F8: variants seen among roughly 807,000 people sequenced by gnomAD.
The protein encoded by F8 is coagulation factor VIII.
A neutral mutation model predicts 140.6 loss-of-function variants in F8; 12 were observed. That is an observed-to-expected ratio of 0.09 (90% confidence interval 0.05 to 0.14). F8 has a LOEUF of 0.14. F8 is among the 10% of genes least tolerant of loss of function. F8 has a pLI of 1.00. For missense variants in F8, 1,354 were observed against 1,720.7 expected (o/e 0.79, Z 3.77); for synonymous variants, 585 against 614.6 (o/e 0.95, Z 0.71).
Position 154,931,229 on chromosome X carries a change from G to C in F8, c.2561C>G (p.Thr854Arg). The C allele has an allele frequency of 8.3e-7, 1 of 1,209,982 alleles. No homozygotes were observed. The highest frequency in any genetic ancestry group is 1.1e-6 in the Non-Finnish European group (1 of 894,023). Residue 854 changes from threonine to arginine, a missense_variant, in exon 14 of 26, where the codon ACA becomes AGA. Around this residue, in one of 4 missense-constraint regions of F8, gnomAD observed 658 missense variants for 666.5 expected, o/e 0.99. Coordinates refer to ENST00000360256, the MANE Select transcript of F8 (RefSeq NM_000132.4). ...IDSNNSLSEM[T>R]HFRPQLHHSG... ...GTGATGGAGCTGTGGCCTGAAGTGT[G>C]TCATTTCAGACAGGCTGTTATTACT...
chrX:154,950,892 T>C (rs782709121), intron 12 of F8, among the ~76,000 whole-genome samples: 20 of 112,576 alleles, frequency 1.8e-4, no homozygotes, highest in Non-Finnish European at 3.2e-4. Context: ...TCTTTGATAT[T>C]TGACAGTTTG....
At chrX:154,853,766 T>A (rs1182164918) in intron 25 of F8, among the ~76,000 whole-genome samples, 1 of 111,772 alleles carries the variant, frequency 8.9e-6, no homozygotes, top group East Asian at 2.8e-4. Flanking sequence ...CTTTTTATAT[T>A]TGCTCATTAT....
At position 154,878,443 on chromosome X, in the gene F8, A is replaced by C. The variant is rs189393767; in HGVS notation, c.6430-15216T>G. Among the ~76,000 whole-genome samples, 113 of 108,778 alleles carry C rather than the reference A, an allele frequency of 1.0e-3. 1 individual carries two copies. In the East Asian group the frequency reaches 0.02, roughly 19 times the overall value. 94.5% of individuals were successfully genotyped at this position (108,778 alleles called of 115,157 possible). On this transcript the variant is annotated intron_variant, in intron 22 of 25. Coordinates refer to ENST00000360256, the MANE Select transcript of F8 (RefSeq NM_000132.4). ...TTTTCATGACCAAAAAAAAAAAAAA[A>C]AAAAAAAACCACTAAGCAAACTAGA...
chrX:155,015,742 C>T (rs1371172666), intron 1 of F8, among the ~76,000 whole-genome samples: 1 of 111,993 alleles, frequency 8.9e-6, no homozygotes, highest in African/African-American at 3.3e-5. Context: ...CAGGATCATT[C>T]ATTCGTAACC....
At chrX:155,011,192 C>T (rs1414540857) in intron 1 of F8, among the ~76,000 whole-genome samples, 1 of 111,947 alleles carries the variant, frequency 8.9e-6, no homozygotes, top group African/African-American at 3.2e-5. Context: ...AAATAAAGAA[C>T]TTATACAACT....
chrX:154,904,455 G>T lies in F8; in HGVS notation c.5656C>A (p.His1886Asn). 8.3e-7 allele frequency: 1 copy of T among 1,211,587 alleles called. No homozygotes were observed. Among genetic ancestry groups the T allele is most frequent in the Non-Finnish European group, 1.1e-6 (1 of 895,400 alleles). ...VCHTNTLNPA[H>N]GRQVTVQEFA... ...TCCTGTACTGTCACTTGTCTCCCAT[G>T]AGCAGGGTTCAGTGTGTTAGTGTGG... Residue 1886 changes from histidine (H) to asparagine (N), a missense_variant, in exon 17 of 26, where the codon CAT becomes AAT. Physicochemically the swap from His to Asn is moderately conservative, Grantham distance 68. Around this residue, in one of 4 missense-constraint regions of F8, gnomAD observed 316 missense variants for 485.4 expected, o/e 0.65. Coordinates refer to ENST00000360256, the MANE Select transcript of F8 (RefSeq NM_000132.4).
intron 4 of F8, among the ~76,000 whole-genome samples, chrX:154,990,404 T>C (rs1486542192): frequency 8.9e-6 from 1 of 111,961 alleles, no homozygotes. Flanking sequence ...TTCACTATCA[T>C]CTACTTAGAG....
intron 22 of F8, among the ~76,000 whole-genome samples, chrX:154,878,699 T>C (rs782675459): frequency 9.0e-6 from 1 of 111,727 alleles, no homozygotes; most frequent in South Asian, 3.7e-4. Context: ...AAAGCTATCT[T>C]ATTCTCAGAT....
rs377541659 is a variant in F8 at position 154,899,332 on chromosome X, A to T, written c.6273+534T>A. On this transcript the variant is annotated intron_variant, in intron 21 of 25. Coordinates refer to ENST00000360256, the MANE Select transcript of F8 (RefSeq NM_000132.4). ...AAGCTGCCCTCAGCTTTTGTGAGGC[A>T]TGGAAGAGACCCAAGAGTTTCCATC... Among the ~76,000 whole-genome samples the T allele has an allele frequency of 6.0e-4, 67 of 112,500 alleles. 1 individual carries two copies. In the South Asian group the frequency reaches 0.021, roughly 36 times the overall value.
intron 14 of F8, chrX:154,919,237 A>G (rs2073116422): frequency 8.9e-6 from 1 of 112,321 alleles, no homozygotes; most frequent in Non-Finnish European, 1.9e-5. Flanking sequence ...ATCTCTATTT[A>G]TCCACATATT....
chrX:154,991,413 T>C (rs1557284674), intron 4 of F8, among the ~76,000 whole-genome samples: 1 of 112,378 alleles, frequency 8.9e-6, no homozygotes, highest in African/African-American at 3.2e-5. Context: ...CTTTTCTCTA[T>C]ATACTTGTTC....
rs782232777 is a variant in F8 at position 154,904,935 on chromosome X, G to A, written c.5462C>T (p.Pro1821Leu). The A allele has an allele frequency of 8.3e-7, 1 of 1,209,842 alleles. No individual in the cohort carries two copies. ...ATTAGGCTTGACAAAGTTTTTTCTA[G>A]GTTCTGCTCCTTGCCTCTGATCTTC... ...YEEDQRQGAE[P>L]RKNFVKPNET... The change falls in exon 16 of 26, where the codon CCT (proline) becomes CTT (leucine). Residue 1821 changes from proline to leucine, a missense_variant. This residue lies in a region of F8 where 316 missense variants were observed against 485.4 expected (regional missense o/e 0.65). Transcript: ENST00000360256.
intron 13 of F8, among the ~76,000 whole-genome samples, chrX:154,938,040 T>A (rs1557279370): frequency 8.9e-6 from 1 of 112,056 alleles, no homozygotes. Context: ...AATAAGTCAA[T>A]GGAATATAAG....
intron 12 of F8, among the ~76,000 whole-genome samples, chrX:154,953,435 C>T (rs1361487550): frequency 1.8e-5 from 2 of 111,974 alleles, no homozygotes; most frequent in Admixed American, 9.5e-5. Flanking sequence ...AAGAAACCAA[C>T]GTTGCCCACA....
At chrX:154,894,738 C>G (rs1432863799) in intron 22 of F8, among the ~76,000 whole-genome samples, 1 of 94,864 alleles carries the variant, frequency 1.1e-5, no homozygotes, top group African/African-American at 3.8e-5. Flanking sequence ...TTCCTACCCC[C>G]CCTCAAAAAG....
At chrX:154,954,262 G>C (rs1557280994) in intron 11 of F8, among the ~76,000 whole-genome samples, 1 of 111,745 alleles carries the variant, frequency 8.9e-6, no homozygotes, top group African/African-American at 3.3e-5. Context: ...GGACAAGAGG[G>C]TGACTGATCC....
intron 25 of F8, among the ~76,000 whole-genome samples, chrX:154,844,484 T>G (rs1557271546): frequency 9.0e-6 from 1 of 111,111 alleles, no homozygotes; most frequent in Non-Finnish European, 1.9e-5. Context: ...TGGTTTGTAG[T>G]TCTCCTTGAA....
chrX:154,857,008 C>T (rs2072655976), intron 25 of F8, among the ~76,000 whole-genome samples: 1 of 111,974 alleles, frequency 8.9e-6, no homozygotes, highest in South Asian at 3.7e-4. Flanking sequence ...TTCCCCAGTC[C>T]TGGAATGCGT....
intron 14 of F8, among the ~76,000 whole-genome samples, chrX:154,913,931 G>C (rs1332473421): frequency 8.9e-6 from 1 of 112,902 alleles, no homozygotes; most frequent in African/African-American, 3.2e-5. Context: ...CAGTGCCCCA[G>C]TGGTGACTGT....
Sources: allele counts gnomAD v4.1 joint callset (sites outside exome capture counted in the v4.1 genomes callset), GRCh38; gene constraint gnomAD v4.1.1; regional missense constraint gnomAD v4.1.1; transcripts MANE v1.5; gene names NCBI Gene and HGNC (gene_info 2026-07-23, HGNC 2026-07-21).